The following CASP5 variants were observed in gnomAD, a reference collection of about 807,000 sequenced individuals.
CASP5 encodes caspase 5, also known as caspase-5.
In CASP5, 42 loss-of-function variants were observed where a neutral mutation model predicts 45.2. The ratio of observed to expected loss-of-function variants is 0.93; its 90% CI spans 0.73 to 1.20. The LOEUF is 1.20. Ranked by LOEUF, CASP5 falls within the 50% of genes most tolerant of loss-of-function variation. The probability of loss-of-function intolerance (pLI) is 0.00; values close to 1 mark genes in which losing one functional copy is unlikely to be tolerated. For synonymous variants in CASP5, 209 were observed against 186.2 expected (o/e 1.12, Z -1.00); for missense variants, 512 against 532.2 (o/e 0.96, Z 0.37).
At chr11:105,019,991 G>T (rs1031137998) in intron 1 of CASP5, among the ~76,000 whole-genome samples, 3 of 145,632 alleles carry the variant, frequency 2.1e-5, no homozygotes, top group African/African-American at 7.5e-5. Flanking sequence ...GGGATGCAAG[G>T]CTGGTTCAAT....
At chr11:105,009,197 G>GT (rs1269932656) in intron 1 of CASP5, 1 of 583,886 alleles carries the variant, frequency 1.7e-6, no homozygotes, top group East Asian at 2.8e-5. Context: ...ACTTAAGTTT[G>GT]TTTTTTATAG....
Position 105,003,272 on chromosome 11 carries a change from A to G in CASP5, c.543+2T>C, listed in dbSNP as rs764209329. The G allele has an allele frequency of 4.0e-6, 6 of 1,504,246 alleles. No individual in the cohort carries two copies. The South Asian group carries it at 6.8e-5, about 17-fold the overall frequency. 93.2% of individuals were successfully genotyped at this position (1,504,246 alleles called of 1,614,324 possible). A position where few individuals can be genotyped will look rare whatever the true frequency, so the allele number is the denominator to read the frequency against. The stretch of plus-strand genomic sequence containing the variant: ...CCCCATTTCATACAGAGAGCACAGC[A>G]CCTCATCATGATTTTTTTTACACAG... On this transcript the variant is annotated splice_donor_variant, in intron 4 of 9. Coordinates refer to ENST00000260315, the MANE Select transcript of CASP5 (RefSeq NM_004347.5). LOFTEE classifies it high-confidence loss of function.
chr11:104,995,636 C>A lies in CASP5; in HGVS notation c.*4+104G>T, dbSNP rs189594019. 8 of 676,530 alleles carry A rather than the reference C, an allele frequency of 1.2e-5. No individual in the cohort carries two copies. In the East Asian group the frequency reaches 1.6e-4, roughly 13 times the overall value. 41.9% of individuals were successfully genotyped at this position (676,530 alleles called of 1,614,324 possible). A position where few individuals can be genotyped will look rare whatever the true frequency, so the allele number is the denominator to read the frequency against. On this transcript the variant is annotated intron_variant, in intron 9 of 9. Coordinates refer to ENST00000260315, the MANE Select transcript of CASP5 (RefSeq NM_004347.5). ...CTCACCAGACTACATCAATAAAGAA[C>A]ACTAACTTGACCATATAAGCAGTCA...
At position 105,002,184 on chromosome 11, in the gene CASP5, C is replaced by A; in HGVS notation, c.561G>T (p.Lys187Asn). Residue 187 changes from lysine (K) to asparagine (N), a missense_variant, in exon 5 of 10, where the codon AAG becomes AAT. Transcript: ENST00000260315. ...KNHDEIYPIK[K>N]REDRRRLALI... ...GAGCCAGGCGTCTGCGGTCCTCTCTCTTTTTTATTGGATAGATCTGCAGGA... is the reference window on the plus strand; with the variant it reads ...GAGCCAGGCGTCTGCGGTCCTCTCTATTTTTTATTGGATAGATCTGCAGGA... 2 of 1,613,990 alleles carry A rather than the reference C, an allele frequency of 1.2e-6. No homozygotes were observed. Among genetic ancestry groups the A allele is most frequent in the Non-Finnish European group, 1.7e-6 (2 of 1,179,960 alleles).
chr11:105,006,992 G>T, intron 3 of CASP5, 91 bp downstream of exon 3: 1 of 1,049,222 alleles, frequency 9.5e-7, no homozygotes, highest in Non-Finnish European at 1.4e-6. Context: ...AAATGAAACT[G>T]TAGGTAGATC....
intron 2 of CASP5, 126 bp from the exon 3 acceptor site, chr11:105,007,460 GAATA>G: frequency 1.1e-6 from 1 of 899,148 alleles, no homozygotes; most frequent in South Asian, 1.7e-5. Context: ...TGTCTCCAGC[GAATA>G]ACACACATCT....
chr11:104,998,478 A>G (rs1336544364), intron 7 of CASP5, among the ~76,000 whole-genome samples: 1 of 152,172 alleles, frequency 6.6e-6, no homozygotes, highest in African/African-American at 2.4e-5. Flanking sequence ...AGTGGGATAT[A>G]TGTAGAAGAG....
intron 1 of CASP5, among the ~76,000 whole-genome samples, chr11:105,013,063 TAA>T (rs1862430800): frequency 6.6e-6 from 1 of 152,010 alleles, no homozygotes; most frequent in African/African-American, 2.4e-5. Flanking sequence ...GAAAGTATCA[TAA>T]TGCAACAGTA....
chr11:105,015,973 T>C (rs574277896), intron 1 of CASP5, among the ~76,000 whole-genome samples: 1 of 152,236 alleles, frequency 6.6e-6, no homozygotes, highest in East Asian at 1.9e-4. Context: ...AATGGAAAAA[T>C]GAATAAGTAT....
chr11:105,018,120 AC>A (rs1418338980), intron 1 of CASP5, among the ~76,000 whole-genome samples: 2 of 151,470 alleles, frequency 1.3e-5, no homozygotes, highest in Non-Finnish European at 2.9e-5. Context: ...AGATTTTGTC[AC>A]CACCAGGCCT....
chr11:105,002,012 G>C lies in CASP5; in HGVS notation c.717+16C>G. 1 of 1,612,646 alleles carries C rather than the reference G, an allele frequency of 6.2e-7. No homozygotes were observed. Among genetic ancestry groups the C allele is most frequent in the Non-Finnish European group, 8.5e-7 (1 of 1,179,210 alleles). On this transcript the variant is annotated intron_variant, in intron 5 of 9. Coordinates refer to ENST00000260315, the MANE Select transcript of CASP5 (RefSeq NM_004347.5). ...GTTGCCTATGGATGAGTGTGAGATGGCTTAGGGGTTCTTACCCTGGCTGTG... is the reference window on the plus strand; with the variant it reads ...GTTGCCTATGGATGAGTGTGAGATGCCTTAGGGGTTCTTACCCTGGCTGTG...
At chr11:104,996,762 A>C (rs1049996734) in intron 8 of CASP5, among the ~76,000 whole-genome samples, 3 of 152,196 alleles carry the variant, frequency 2.0e-5, no homozygotes, top group Admixed American at 1.3e-4. Flanking sequence ...CTATTAATAT[A>C]TGCTTAATGG....
chr11:105,009,878 C>CAT (rs1206556418), intron 1 of CASP5, among the ~76,000 whole-genome samples: 2 of 137,990 alleles, frequency 1.4e-5, no homozygotes, highest in Admixed American at 7.4e-5. Flanking sequence ...TATATACACA[C>CAT]ATATATATAC....
At position 105,013,818 on chromosome 11, in the gene CASP5, AAAAAAT is replaced by A. The variant is rs560501814; in HGVS notation, c.8-4844_8-4839del. ...TCCTTCATTTGCTCCTCCATATAGTAAAAAATAATACCTAACTTCCAAGTGCGGGAA... is the reference window on the plus strand; with the variant it reads ...TCCTTCATTTGCTCCTCCATATAGTAAATACCTAACTTCCAAGTGCGGGAA... On this transcript the variant is annotated intron_variant, in intron 1 of 9. Transcript: ENST00000260315. Among the ~76,000 whole-genome samples the A allele has an allele frequency of 2.2e-3, 337 of 152,258 alleles. 2 individuals are homozygous for A. The highest frequency in any genetic ancestry group is 8.0e-3 in the African/African-American group (331 of 41,560).
At chr11:105,001,627 AGCCTGG>A (rs1463026460) in intron 5 of CASP5, among the ~76,000 whole-genome samples, 2 of 152,210 alleles carry the variant, frequency 1.3e-5, no homozygotes, top group African/African-American at 4.8e-5. Context: ...ACTACACTCC[AGCCTGG>A]GCGACAGAGT....
intron 1 of CASP5, among the ~76,000 whole-genome samples, chr11:105,018,501 A>C (rs1862756925): frequency 6.6e-6 from 1 of 150,818 alleles, no homozygotes; most frequent in Non-Finnish European, 1.5e-5. Flanking sequence ...CAGGGGTTGC[A>C]GTCCTAGTCT....
At chr11:105,010,272 A>G (rs567826206) in intron 1 of CASP5, among the ~76,000 whole-genome samples, 30 of 151,130 alleles carry the variant, frequency 2.0e-4, no homozygotes, top group Non-Finnish European at 3.3e-4. Flanking sequence ...TAAATGTAAC[A>G]TCTCCTATGT....
At chr11:104,997,322 A>G (rs1384369063) in intron 8 of CASP5, 61 bp downstream of exon 8, 2 of 1,185,032 alleles carry the variant, frequency 1.7e-6, no homozygotes, top group Non-Finnish European at 2.5e-6. Context: ...CGATTAGTGA[A>G]TAATGATAAA....
At chr11:105,016,737 C>T (rs1337823563) in intron 1 of CASP5, among the ~76,000 whole-genome samples, 1 of 152,120 alleles carries the variant, frequency 6.6e-6, no homozygotes, top group Non-Finnish European at 1.5e-5. Context: ...GGAGGGGCGC[C>T]CACCATTGCC....
Sources: gnomAD v4.1 joint callset for allele counts (sites outside exome capture counted in the v4.1 genomes callset) on GRCh38, gnomAD v4.1.1 for gene constraint, MANE v1.5 for transcripts, NCBI Gene and HGNC (gene_info 2026-07-23, HGNC 2026-07-21) for gene names.